Variants in HSPG2 observed in about 807,000 individuals in gnomAD.
The protein encoded by HSPG2 is heparan sulfate proteoglycan 2, also known as basement membrane-specific heparan sulfate proteoglycan core protein.
HSPG2 carries 278 observed loss-of-function variants against 526.6 expected under a neutral mutation model. The observed-to-expected ratio is 0.53, with a 90% CI of 0.48 to 0.58. The LOEUF (loss-of-function observed/expected upper bound fraction) is 0.58. Among genes scored for constraint, HSPG2 ranks in the 20% least tolerant of loss-of-function variants. HSPG2 has a pLI of 0.00. For synonymous variants in HSPG2, 2,465 were observed against 2,555.4 expected (o/e 0.96, Z 1.07); for missense variants, 5,354 against 6,099.5 (o/e 0.88, Z 4.07).
chr1:21,851,200 C>T (rs1305167332), intron 55 of HSPG2: 31 of 350,328 alleles, frequency 8.8e-5, no homozygotes, highest in African/African-American at 4.0e-4. Context: ...CTCGAACTCC[C>T]GACCTCAGGC....
chr1:21,906,649 C>T (rs746915106), intron 1 of HSPG2, among the ~76,000 whole-genome samples: 2 of 148,028 alleles, frequency 1.4e-5, no homozygotes, highest in Non-Finnish European at 3.0e-5. Context: ...GAGACAAACA[C>T]ATCTGGGAAA....
intron 1 of HSPG2, 103 bp downstream of exon 1, chr1:21,937,052 A>C: frequency 2.9e-6 from 1 of 339,244 alleles, no homozygotes; most frequent in Non-Finnish European, 4.3e-6. Flanking sequence ...CCCGCCGCGC[A>C]GCCTTGGGCG....
intron 30 of HSPG2, 75 bp from the exon 31 acceptor site, chr1:21,873,166 C>A: frequency 7.6e-7 from 1 of 1,317,146 alleles, no homozygotes; most frequent in South Asian, 1.2e-5. Flanking sequence ...CTCTGCTCAC[C>A]ACTGAGCGGG....
At position 21,830,966 on chromosome 1, in the gene HSPG2, C is replaced by T. The variant is rs377361289; in HGVS notation, c.11671+16G>A. 7.8e-5 allele frequency: 121 copies of T among 1,541,974 alleles called. No homozygotes were observed. Among genetic ancestry groups the T allele is most frequent in the African/African-American group, 5.7e-4 (42 of 73,784 alleles). On this transcript the variant is annotated intron_variant, in intron 85 of 96. Transcript: ENST00000374695. ...CAGGCCCTGGGGCGACAGCGACTGGCGGTCGGGGTGCGTACCTGGATGGCA... is the reference window on the plus strand; with the variant it reads ...CAGGCCCTGGGGCGACAGCGACTGGTGGTCGGGGTGCGTACCTGGATGGCA...
chr1:21,826,975 A>T (rs925484354), intron 91 of HSPG2, among the ~76,000 whole-genome samples: 1 of 152,016 alleles, frequency 6.6e-6, no homozygotes, highest in Non-Finnish European at 1.5e-5. Flanking sequence ...TAGGAAGCCA[A>T]GGGGGGCGGA....
chr1:21,857,983 CT>C (rs770758968), intron 42 of HSPG2, among the ~76,000 whole-genome samples: 11 of 152,198 alleles, frequency 7.2e-5, no homozygotes, highest in Non-Finnish European at 1.3e-4. Flanking sequence ...TCAGCGTCTC[CT>C]CCTTCTCATG....
At chr1:21,920,919 T>C (rs1183294029) in intron 1 of HSPG2, among the ~76,000 whole-genome samples, 2 of 152,090 alleles carry the variant, frequency 1.3e-5, no homozygotes, top group Non-Finnish European at 2.9e-5. Flanking sequence ...TCTTCAAACA[T>C]GTGTCTGGGA....
chr1:21,895,985 T>A lies in HSPG2; in HGVS notation c.200-19A>T, dbSNP rs773606400. ...AGGTCGTCTATAAGCAAAAAAGAGA[T>A]GTAATCAGCAACAACAAGTATTTGT... On this transcript the variant is annotated intron_variant, in intron 2 of 96. Coordinates refer to ENST00000374695, the MANE Select transcript of HSPG2 (RefSeq NM_005529.7). This position sits in a 1 kb window ranked among gnomAD's most constrained non-coding sequence, Gnocchi z 4.1. 2 of 1,613,794 alleles carry A rather than the reference T, an allele frequency of 1.2e-6. No individual in the cohort carries two copies. Among genetic ancestry groups the A allele is most frequent in the African/African-American group, 1.3e-5 (1 of 75,036 alleles).
At chr1:21,881,249 C>T (rs1641480575) in intron 14 of HSPG2, 90 bp downstream of exon 14, 4 of 1,487,418 alleles carry the variant, frequency 2.7e-6, no homozygotes, top group Non-Finnish European at 3.8e-6. Context: ...ACCTTTCCCT[C>T]CAAGTCTGCC....
chr1:21,899,626 G>A (rs543582557), intron 1 of HSPG2, among the ~76,000 whole-genome samples: 1 of 152,318 alleles, frequency 6.6e-6, no homozygotes, highest in African/African-American at 2.4e-5. Context: ...CAATGAAGCA[G>A]ATATGAGATC....
chr1:21,894,297 G>T (rs1557801224), intron 3 of HSPG2, among the ~76,000 whole-genome samples: 1 of 152,068 alleles, frequency 6.6e-6, no homozygotes, highest in Non-Finnish European at 1.5e-5. Context: ...CTGGGCCAGA[G>T]GCTAGGCATG....
At chr1:21,903,523 C>T (rs966598481) in intron 1 of HSPG2, among the ~76,000 whole-genome samples, 1 of 152,126 alleles carries the variant, frequency 6.6e-6, no homozygotes, top group African/African-American at 2.4e-5. Flanking sequence ...ATCGTTTAAC[C>T]CAGGAGGCAG....
Position 21,830,095 on chromosome 1 carries a change from G to T in HSPG2, c.11672-4C>A. On this transcript the variant is annotated splice_region_variant and splice_polypyrimidine_tract_variant and intron_variant, in intron 85 of 96. Transcript: ENST00000374695. ...GTGGCGTCGGGCCCACAGGCCTCTG[G>T]GGGGCACATAGGCCAGTGAAAAGAC... 4 of 1,589,622 alleles carry T rather than the reference G, an allele frequency of 2.5e-6. No homozygotes were observed. Among genetic ancestry groups the T allele is most frequent in the Non-Finnish European group, 3.4e-6 (4 of 1,169,506 alleles).
chr1:21,824,055 T>C lies in HSPG2; in HGVS notation c.12899+66A>G. ...TCAATACCTGCCTCTCTGCCCATGGTAGGGGGCGTCCTGCCCCACTCCAGA... is the reference window on the plus strand; with the variant it reads ...TCAATACCTGCCTCTCTGCCCATGGCAGGGGGCGTCCTGCCCCACTCCAGA... On this transcript the variant is annotated intron_variant, in intron 95 of 96. Coordinates refer to ENST00000374695, the MANE Select transcript of HSPG2 (RefSeq NM_005529.7). The surrounding 1 kb of genome is among the most constrained non-coding windows in gnomAD (Gnocchi z 5.9). 7.1e-7 allele frequency: 1 copy of C among 1,403,058 alleles called. No individual in the cohort carries two copies. The highest frequency in any genetic ancestry group is 1.0e-6 in the Non-Finnish European group (1 of 1,004,018). 86.9% of individuals were successfully genotyped at this position (1,403,058 alleles called of 1,614,324 possible). A position where few individuals can be genotyped will look rare whatever the true frequency, so the allele number is the denominator to read the frequency against.
At chr1:21,922,967 C>G (rs1461968058) in intron 1 of HSPG2, among the ~76,000 whole-genome samples, 1 of 152,100 alleles carries the variant, frequency 6.6e-6, no homozygotes, top group Non-Finnish European at 1.5e-5. Flanking sequence ...CCGCCCCCAC[C>G]CCGACCCCAG....
intron 1 of HSPG2, among the ~76,000 whole-genome samples, chr1:21,919,312 G>C (rs1425691833): frequency 6.6e-6 from 1 of 151,948 alleles, no homozygotes; most frequent in African/African-American, 2.4e-5. Flanking sequence ...TGTAATCCCA[G>C]CTACTTGGGA....
rs371301160 is a variant in HSPG2, at chr1:21,824,330, A to G, written c.12791T>C (p.Leu4264Pro). 2.5e-6 allele frequency: 4 copies of G among 1,613,940 alleles called. No individual in the cohort carries two copies. Among genetic ancestry groups the G allele is most frequent in the Non-Finnish European group, 2.5e-6 (3 of 1,180,016 alleles). The change falls in exon 94 of 97, where the codon CTT becomes CCT. Residue 4264 changes from leucine (L) to proline (P), a missense_variant. Transcript: ENST00000374695. This position sits in a 1 kb window ranked among gnomAD's most constrained non-coding sequence, Gnocchi z 5.9. ...GQGKDFISLG[L>P]QDGHLVFRYQ... ...CCTGAAGACAAGGTGCCCGTCTTGA[A>G]GCCCGAGGCTGATGAAGTCCTTGCC... is the stretch of plus-strand genomic sequence containing the variant.
rs369241951 is a variant in HSPG2 at position 21,851,654 on chromosome 1, C to T, written c.7050G>A (p.Ser2350=). 48 of 1,613,680 alleles carry T rather than the reference C, an allele frequency of 3.0e-5. No homozygotes were observed. In the South Asian group the frequency reaches 3.3e-4, roughly 11 times the overall value. The part of the protein sequence containing the change: ...TQPIRIEPSS[S]QVAEGQTLDL... ...CCAGGGTCTGCCCTTCCGCCACTTG[C>T]GAGGAGGAGGGCTCGATGCGGATGG... The change falls in exon 55 of 97, where the codon TCG becomes TCA. Residue 2350 remains serine (S), a synonymous_variant. Coordinates refer to ENST00000374695, the MANE Select transcript of HSPG2 (RefSeq NM_005529.7).
In HSPG2 at chr1:21,847,645, G is replaced by A. The variant is rs1329362561; in HGVS notation, c.8025+44C>T. The A allele has an allele frequency of 4.4e-6, 7 of 1,601,230 alleles. No homozygotes were observed. In the Admixed American group the frequency reaches 1.2e-4, roughly 28 times the overall value. On this transcript the variant is annotated intron_variant, in intron 61 of 96. Coordinates refer to ENST00000374695, the MANE Select transcript of HSPG2 (RefSeq NM_005529.7). The surrounding 1 kb of genome is among the most constrained non-coding windows in gnomAD (Gnocchi z 4.1). ...CAGGGAGCCTGCTCTGCTCACCCCAGGAGACCATGGTTCCACCCCCGCTGC... is the reference window on the plus strand; with the variant it reads ...CAGGGAGCCTGCTCTGCTCACCCCAAGAGACCATGGTTCCACCCCCGCTGC...
Sources: allele counts gnomAD v4.1 joint callset (sites outside exome capture counted in the v4.1 genomes callset), GRCh38; gene constraint gnomAD v4.1.1; non-coding constraint Gnocchi (gnomAD v3.1); transcripts MANE v1.5; gene names NCBI Gene and HGNC (gene_info 2026-07-23, HGNC 2026-07-21).